The following RPS6KC1 variants were observed in gnomAD, a reference collection of about 807,000 sequenced individuals.
RPS6KC1 encodes the protein inactive ribosomal protein S6 kinase delta-1.
RPS6KC1 carries 54 observed loss-of-function variants against 103.8 expected under a neutral mutation model. The observed-to-expected ratio is 0.52, with a 90% CI of 0.42 to 0.65. The LOEUF is 0.65. Ranked by LOEUF, RPS6KC1 falls within the 30% of genes least tolerant of loss-of-function variation. The pLI is 0.00. For missense variants in RPS6KC1, 1,151 were observed against 1,253.8 expected, an observed-to-expected ratio of 0.92 and a Z score of 1.24; for synonymous variants, 439 against 438.7, an observed-to-expected ratio of 1.00 and a Z score of -0.01.
chr1:213,065,047 G>T (rs1305859399), intron 1 of RPS6KC1, among the ~76,000 whole-genome samples: 1 of 146,670 alleles, frequency 6.8e-6, no homozygotes, highest in Non-Finnish European at 1.5e-5. Context: ...CGCGATCTTG[G>T]CTCACTGCAA....
At chr1:213,389,813 C>T in the RPS6KC1 span, among the ~76,000 whole-genome samples, 1 of 152,196 alleles carries the variant, frequency 6.6e-6, no homozygotes, top group African/African-American at 2.4e-5. Context: ...GGGTTTATCT[C>T]CTGCTCTTCA....
Position 213,261,538 on chromosome 1 carries a change from A to G in RPS6KC1, c.2912-20A>G, listed in dbSNP as rs1422486913. On this transcript the variant is annotated intron_variant, in intron 12 of 14. Transcript: ENST00000366960. The stretch of plus-strand genomic sequence containing the variant: ...ATTGACCTTTGGAATTTTAATATCA[A>G]CCTTTTTTGGTGTGGTTAGAGGTTG... 6.8e-6 allele frequency: 11 copies of G among 1,609,220 alleles called. No individual in the cohort carries two copies. Among genetic ancestry groups the G allele is most frequent in the Middle Eastern group, 1.7e-4 (1 of 6,050 alleles).
At chr1:213,846,211 A>G in the RPS6KC1 span, among the ~76,000 whole-genome samples, 1 of 151,818 alleles carries the variant, frequency 6.6e-6, no homozygotes, top group Non-Finnish European at 1.5e-5. Flanking sequence ...GAGGCAGGAG[A>G]ATCACTTGAA....
At chr1:213,403,009 T>G in the RPS6KC1 span, among the ~76,000 whole-genome samples, 4 of 149,096 alleles carry the variant, frequency 2.7e-5, no homozygotes, top group South Asian at 6.4e-4. Flanking sequence ...GTGCCTGTAG[T>G]CCCAGCTACG....
intron 10 of RPS6KC1, among the ~76,000 whole-genome samples, chr1:213,240,005 G>T (rs756195857): frequency 3.3e-5 from 5 of 152,070 alleles, no homozygotes; most frequent in Non-Finnish European, 7.4e-5. Flanking sequence ...ACATGAAAGT[G>T]ATTTTTATGA....
intron 8 of RPS6KC1, among the ~76,000 whole-genome samples, chr1:213,194,633 C>A (rs1408541239): frequency 6.6e-6 from 1 of 152,202 alleles, no homozygotes; most frequent in Admixed American, 6.5e-5. Context: ...ACCACCTGAG[C>A]TCTGCCTGCT....
the RPS6KC1 span, among the ~76,000 whole-genome samples, chr1:213,287,043 A>G: frequency 1.3e-5 from 2 of 152,216 alleles, no homozygotes; most frequent in East Asian, 3.8e-4. Context: ...TAATTGAAAG[A>G]TATATTTTTA....
At chr1:213,727,545 C>T in the RPS6KC1 span, among the ~76,000 whole-genome samples, 1 of 152,108 alleles carries the variant, frequency 6.6e-6, no homozygotes, top group East Asian at 1.9e-4. Context: ...GAATGGCACT[C>T]AAAGTCTGTG....
At chr1:213,496,042 C>A in the RPS6KC1 span, among the ~76,000 whole-genome samples, 53 of 152,018 alleles carry the variant, frequency 3.5e-4, no homozygotes, top group African/African-American at 1.2e-3. Context: ...TACTTTTCAT[C>A]TTTGAATCTG....
chr1:213,348,910 C>T, the RPS6KC1 span, among the ~76,000 whole-genome samples: 1 of 152,154 alleles, frequency 6.6e-6, no homozygotes, highest in Admixed American at 6.5e-5. Context: ...AATAAGTGCT[C>T]CTTGAATTGA....
chr1:213,311,201 C>G, the RPS6KC1 span, among the ~76,000 whole-genome samples: 1 of 151,396 alleles, frequency 6.6e-6, no homozygotes, highest in Non-Finnish European at 1.5e-5. Context: ...TGCAGTGACG[C>G]CATCTCCGCT....
the RPS6KC1 span, among the ~76,000 whole-genome samples, chr1:213,597,131 A>C: frequency 1.3e-5 from 2 of 152,152 alleles, no homozygotes; most frequent in African/African-American, 2.4e-5. Context: ...TGGATGTTCA[A>C]ATTTTTATAA....
the RPS6KC1 span, among the ~76,000 whole-genome samples, chr1:213,650,954 GA>G: frequency 4.7e-5 from 7 of 150,038 alleles, no homozygotes; most frequent in African/African-American, 1.2e-4. Flanking sequence ...AAAGAGGGGA[GA>G]GGGGGAGAGA....
chr1:213,497,468 C>T, the RPS6KC1 span, among the ~76,000 whole-genome samples: 5 of 151,694 alleles, frequency 3.3e-5, no homozygotes, highest in African/African-American at 1.2e-4. Context: ...AACACAGTCT[C>T]CCTTAATAGC....
the RPS6KC1 span, among the ~76,000 whole-genome samples, chr1:213,425,246 A>C: frequency 6.6e-6 from 1 of 152,164 alleles, no homozygotes; most frequent in Admixed American, 6.5e-5. Flanking sequence ...CAATTATACT[A>C]TCCTTGATTA....
At chr1:213,550,790 C>T in the RPS6KC1 span, among the ~76,000 whole-genome samples, 1 of 152,102 alleles carries the variant, frequency 6.6e-6, no homozygotes, top group Non-Finnish European at 1.5e-5. Flanking sequence ...CTCTGGGAAA[C>T]CGGAAAAAGC....
chr1:213,217,998 A>G (rs1468105602), intron 8 of RPS6KC1, among the ~76,000 whole-genome samples: 1 of 152,198 alleles, frequency 6.6e-6, no homozygotes, highest in Non-Finnish European at 1.5e-5. Flanking sequence ...CTCCTATTGA[A>G]CGTATTGTTG....
intron 5 of RPS6KC1, among the ~76,000 whole-genome samples, chr1:213,118,373 AT>A (rs2083949881): frequency 6.6e-6 from 1 of 151,970 alleles, no homozygotes; most frequent in South Asian, 2.1e-4. Flanking sequence ...AGATAATTAG[AT>A]TTGTTTTAGG....
the RPS6KC1 span, among the ~76,000 whole-genome samples, chr1:213,338,235 A>G: frequency 7.9e-5 from 12 of 152,208 alleles, no homozygotes; most frequent in African/African-American, 2.9e-4. Context: ...CCTTTTCAGC[A>G]TGAACTTCAC....
Sources: gnomAD v4.1 joint callset for allele counts (sites outside exome capture counted in the v4.1 genomes callset) on GRCh38, gnomAD v4.1.1 for gene constraint, MANE v1.5 for transcripts, NCBI Gene and HGNC (gene_info 2026-07-23, HGNC 2026-07-21) for gene names.